Variants in RPL39L observed in about 807,000 individuals in gnomAD.
RPL39L encodes ribosomal protein eL39-like 2.
For missense variants in RPL39L, 48 were observed against 58.9 expected, an observed-to-expected ratio of 0.81 and a Z score of 0.61; for synonymous variants, 16 against 20.1, an observed-to-expected ratio of 0.80 and a Z score of 0.55.
intron 1 of RPL39L, among the ~76,000 whole-genome samples, chr3:187,129,581 T>C (rs1014286058): frequency 2.0e-5 from 3 of 152,240 alleles, no homozygotes; most frequent in African/African-American, 7.2e-5. Flanking sequence ...AAATTCTAAA[T>C]TATCCAAGAC....
chr3:187,121,234 T>C lies in RPL39L; in HGVS notation c.67A>G (p.Ile23Val). Residue 23 changes from isoleucine to valine, a missense_variant, in exon 3 of 3, where the codon ATC becomes GTC. Transcript: ENST00000296277. ...LAKKQKQNRPIPQWIQMKPGS... is the reference protein window; with the variant it reads ...LAKKQKQNRPVPQWIQMKPGS... ...GGTTTCATCTGAATCCACTGGGGGA[T>C]GGGACGATTTTGCTTTTGTTTCTTG... 2 of 1,613,980 alleles carry C rather than the reference T, an allele frequency of 1.2e-6. No homozygotes were observed. The highest frequency in any genetic ancestry group is 1.3e-5 in the African/African-American group (1 of 75,052).
chr3:187,128,634 T>C (rs1280417334), intron 1 of RPL39L, among the ~76,000 whole-genome samples: 1 of 152,204 alleles, frequency 6.6e-6, no homozygotes, highest in Non-Finnish European at 1.5e-5. Context: ...CTCAGTCTCC[T>C]GAATAGCTGG....
At chr3:187,135,900 G>T (rs1720571559) in intron 1 of RPL39L, among the ~76,000 whole-genome samples, 1 of 152,232 alleles carries the variant, frequency 6.6e-6, no homozygotes, top group Non-Finnish European at 1.5e-5. Flanking sequence ...ATGCCGCATG[G>T]CGAGAGACAG....
At position 187,121,019 on chromosome 3, in the gene RPL39L, G is replaced by GA. The variant is rs1052732521; in HGVS notation, c.*125dup. The stretch of plus-strand genomic sequence containing the variant: ...CTAGCACAGAGCATACAGAAAAACA[G>GA]AAAAAAATATTCCCAGTAAAACATG... On this transcript the variant is annotated 3_prime_UTR_variant, in exon 3 of 3. Coordinates refer to ENST00000296277, the MANE Select transcript of RPL39L (RefSeq NM_052969.3). The GA allele has an allele frequency of 9.1e-7, 1 of 1,097,424 alleles. No homozygotes were observed. The highest frequency in any genetic ancestry group is 1.3e-6 in the Non-Finnish European group (1 of 745,442). 68.0% of individuals were successfully genotyped at this position (1,097,424 alleles called of 1,614,324 possible). A position where few individuals can be genotyped will look rare whatever the true frequency, so the allele number is the denominator to read the frequency against.
At chr3:187,137,165 C>T (rs1212484146) in intron 1 of RPL39L, among the ~76,000 whole-genome samples, 1 of 134,678 alleles carries the variant, frequency 7.4e-6, no homozygotes, top group African/African-American at 2.9e-5. Flanking sequence ...AGTCAATGCA[C>T]TCCAGCTTGG....
intron 1 of RPL39L, among the ~76,000 whole-genome samples, chr3:187,134,484 A>T (rs74728470): frequency 1.4e-4 from 8 of 55,514 alleles, no homozygotes; most frequent in South Asian, 1.1e-3. Context: ...CCTGACTGAT[A>T]AAAAAAAAAA....
At chr3:187,134,483 T>TAAAAAAAAGAAAAAAAAAAAA (rs1720539115) in intron 1 of RPL39L, among the ~76,000 whole-genome samples, 1 of 93,426 alleles carries the variant, frequency 1.1e-5, no homozygotes, top group African/African-American at 4.2e-5. Flanking sequence ...GCCTGACTGA[T>TAAAAAAAAGAAAAAAAAAAAA]AAAAAAAAAA....
In RPL39L at chr3:187,139,215, G is replaced by A. The variant is rs953081002; in HGVS notation, c.-95C>T. The A allele has an allele frequency of 6.6e-6, 1 of 152,438 alleles. No individual in the cohort carries two copies. The highest frequency in any genetic ancestry group is 1.5e-5 in the Non-Finnish European group (1 of 68,240). 9.4% of individuals were successfully genotyped at this position (152,438 alleles called of 1,614,324 possible). A position where few individuals can be genotyped will look rare whatever the true frequency, so the allele number is the denominator to read the frequency against. On this transcript the variant is annotated splice_region_variant and 5_prime_UTR_variant, in exon 1 of 3. Transcript: ENST00000296277. ...GGTGAGGAGGAACCTTTACTTACCG[G>A]CGCCCTGGCCTCTGCTTTTTTCCCA...
At chr3:187,128,515 TTC>T (rs1720435778) in intron 1 of RPL39L, among the ~76,000 whole-genome samples, 1 of 151,928 alleles carries the variant, frequency 6.6e-6, no homozygotes, top group Non-Finnish European at 1.5e-5. Context: ...ATACATTTCT[TTC>T]TCTCTTTTTT....
At chr3:187,130,451 G>A (rs555260637) in intron 1 of RPL39L, among the ~76,000 whole-genome samples, 239 of 152,276 alleles carry the variant, frequency 1.6e-3, no homozygotes, top group African/African-American at 4.4e-3. Flanking sequence ...TGCTGCCGTC[G>A]TGACAGTGAG....
At chr3:187,131,332 T>C (rs751535244) in intron 1 of RPL39L, among the ~76,000 whole-genome samples, 21 of 151,474 alleles carry the variant, frequency 1.4e-4, no homozygotes, top group Non-Finnish European at 2.2e-4. Flanking sequence ...AGGTCAGGAG[T>C]TCAAGACCAG....
chr3:187,132,800 C>A, intron 1 of RPL39L, among the ~76,000 whole-genome samples: 1 of 152,172 alleles, frequency 6.6e-6, no homozygotes, highest in East Asian at 1.9e-4. Context: ...TGGACTTTCC[C>A]AGTATGAGAA....
intron 2 of RPL39L, among the ~76,000 whole-genome samples, 189 bp from the exon 3 acceptor site, chr3:187,121,517 T>C (rs1376168642): frequency 1.3e-5 from 2 of 152,224 alleles, no homozygotes; most frequent in African/African-American, 4.8e-5. Flanking sequence ...GTCTGATGGC[T>C]GTTCTGGTGG....
intron 1 of RPL39L, among the ~76,000 whole-genome samples, chr3:187,137,653 T>C (rs1342485606): frequency 2.0e-5 from 3 of 151,986 alleles, no homozygotes; most frequent in African/African-American, 7.2e-5. Flanking sequence ...TGAAACCCCG[T>C]CTTTACTAAA....
At chr3:187,133,312 T>C (rs1037876156) in intron 1 of RPL39L, among the ~76,000 whole-genome samples, 2 of 152,128 alleles carry the variant, frequency 1.3e-5, no homozygotes, top group African/African-American at 4.8e-5. Flanking sequence ...GTTTCCCCCG[T>C]GCTGTTCTTG....
intron 2 of RPL39L, 144 bp from the exon 3 acceptor site, chr3:187,121,472 C>T (rs1184503890): frequency 3.8e-6 from 3 of 781,686 alleles, no homozygotes; most frequent in East Asian, 5.5e-5. Flanking sequence ...ACAGGCAGCT[C>T]AGGAGCAGCT....
intron 1 of RPL39L, among the ~76,000 whole-genome samples, chr3:187,128,993 C>T (rs531355706): frequency 3.3e-5 from 5 of 152,332 alleles, no homozygotes; most frequent in South Asian, 2.1e-4. Context: ...TCCCTTACAA[C>T]GTCCTCTCCT....
intron 1 of RPL39L, among the ~76,000 whole-genome samples, chr3:187,129,197 T>C (rs943859057): frequency 6.6e-6 from 1 of 152,232 alleles, no homozygotes; most frequent in Non-Finnish European, 1.5e-5. Context: ...CAAGATAATA[T>C]AGCTCAGGAT....
At chr3:187,127,932 A>G (rs1367161779) in intron 2 of RPL39L, 67 bp downstream of exon 2, 1 of 152,244 alleles carries the variant, frequency 6.6e-6, no homozygotes, top group Non-Finnish European at 1.5e-5. Context: ...AATTTTTAAC[A>G]AAGTGTCCAA....
Sources: gnomAD v4.1 joint callset for allele counts (sites outside exome capture counted in the v4.1 genomes callset) on GRCh38, gnomAD v4.1.1 for gene constraint, MANE v1.5 for transcripts, NCBI Gene and HGNC (gene_info 2026-07-23, HGNC 2026-07-21) for gene names.